The following BMS1 variants were observed in gnomAD, a reference collection of about 807,000 sequenced individuals.
BMS1 encodes ribosome biogenesis protein BMS1 homolog.
BMS1 carries 53 observed loss-of-function variants against 138.7 expected under a neutral mutation model. The ratio of observed to expected loss-of-function variants is 0.38; its 90% CI spans 0.31 to 0.48. The LOEUF is 0.48. Ranked by LOEUF, BMS1 falls within the 20% of genes least tolerant of loss-of-function variation. BMS1 has a pLI of 0.97. For missense variants in BMS1, 1,360 were observed against 1,565.5 expected (o/e 0.87, Z 2.22); for synonymous variants, 504 against 539.9 (o/e 0.93, Z 0.92).
intron 13 of BMS1, among the ~76,000 whole-genome samples, chr10:42,813,512 A>C (rs1842248899): frequency 6.6e-6 from 1 of 152,122 alleles, no homozygotes; most frequent in South Asian, 2.1e-4. Flanking sequence ...CCTGCCTTGC[A>C]TTTATGTCTC....
At position 42,830,234 on chromosome 10, in the gene BMS1, T is replaced by C. The variant is rs201739639; in HGVS notation, c.3457-27T>C. 1.9e-5 allele frequency: 30 copies of C among 1,603,838 alleles called. No homozygotes were observed. The East Asian group carries it at 3.6e-4, about 19-fold the overall frequency. On this transcript the variant is annotated intron_variant, in intron 21 of 22. Coordinates refer to ENST00000374518, the MANE Select transcript of BMS1 (RefSeq NM_014753.4). Reference sequence around the variant, plus strand: ...ATGCACATTGATCATAATTTGAATATGTCACAGTCTTTGTTTTTCTTTTCA... The same window carrying C: ...ATGCACATTGATCATAATTTGAATACGTCACAGTCTTTGTTTTTCTTTTCA...
intron 15 of BMS1, among the ~76,000 whole-genome samples, chr10:42,818,225 G>A (rs1392523769): frequency 2.0e-5 from 3 of 152,216 alleles, no homozygotes; most frequent in Non-Finnish European, 4.4e-5. Flanking sequence ...TTCCTGATTA[G>A]GCATTAGCTT....
intron 15 of BMS1, 122 bp downstream of exon 15, chr10:42,817,616 A>G (rs1342854360): frequency 1.1e-6 from 1 of 949,132 alleles, no homozygotes; most frequent in African/African-American, 1.7e-5. Flanking sequence ...TGTGCCTTTC[A>G]TTCGGACTCC....
At chr10:42,795,976 A>T (rs1192496598) in intron 9 of BMS1, among the ~76,000 whole-genome samples, 1 of 152,276 alleles carries the variant, frequency 6.6e-6, no homozygotes, top group East Asian at 1.9e-4. Flanking sequence ...GCTGGCCCAG[A>T]TTTGGCTGCA....
chr10:42,784,522 A>G lies in BMS1; in HGVS notation c.128A>G (p.Lys43Arg). 1.2e-6 allele frequency: 2 copies of G among 1,613,900 alleles called. No homozygotes were observed. The highest frequency in any genetic ancestry group is 1.7e-6 in the Non-Finnish European group (2 of 1,179,820). ...DEEDARKRNP[K>R]AFAVQSAVRM... is the part of the protein sequence containing the mutation. Reference sequence around the variant, plus strand: ...GAAGATGCCCGGAAGAGAAATCCCAAAGCTTTTGCAGTTCAGTCTGCTGTG... The same window carrying G: ...GAAGATGCCCGGAAGAGAAATCCCAGAGCTTTTGCAGTTCAGTCTGCTGTG... The change falls in exon 2 of 23, where the codon AAA becomes AGA. Residue 43 changes from lysine (K) to arginine (R), a missense_variant. By Grantham distance (26) the Lys-to-Arg change is conservative. Coordinates refer to ENST00000374518, the MANE Select transcript of BMS1 (RefSeq NM_014753.4).
At chr10:42,793,199 AT>A in intron 8 of BMS1, 55 bp downstream of exon 8, 2 of 1,493,380 alleles carry the variant, frequency 1.3e-6, no homozygotes, top group Non-Finnish European at 1.8e-6. Flanking sequence ...TTCTGAATCT[AT>A]TTTTTAATCA....
chr10:42,819,874 C>T (rs1228752928), intron 15 of BMS1, among the ~76,000 whole-genome samples: 3 of 152,154 alleles, frequency 2.0e-5, no homozygotes, highest in Admixed American at 6.5e-5. Context: ...TCACTGCAAC[C>T]TCCGTCTCCC....
At chr10:42,789,072 A>G (rs2419112) in intron 4 of BMS1, among the ~76,000 whole-genome samples, 71,807 of 152,084 alleles carry the variant, frequency 0.47, 17,676 homozygotes, top group East Asian at 0.64. Flanking sequence ...CAGCAAAGGC[A>G]CACACAGTAC....
At chr10:42,794,207 C>T (rs1000442348) in intron 9 of BMS1, among the ~76,000 whole-genome samples, 1 of 152,054 alleles carries the variant, frequency 6.6e-6, no homozygotes, top group Admixed American at 6.5e-5. Flanking sequence ...TTCAACAGAC[C>T]CCAAATATTC....
chr10:42,786,257 T>C (rs1841325575), intron 3 of BMS1, among the ~76,000 whole-genome samples: 1 of 152,202 alleles, frequency 6.6e-6, no homozygotes, highest in Non-Finnish European at 1.5e-5. Flanking sequence ...TTTTCTCTTT[T>C]TCCTGTGAGA....
chr10:42,828,546 TCCA>T (rs56374250), intron 21 of BMS1, among the ~76,000 whole-genome samples: 16,002 of 151,986 alleles, frequency 0.11, 999 homozygotes, highest in African/African-American at 0.17. Flanking sequence ...CGGCTTGGCC[TCCA>T]CCACCAGCAG....
chr10:42,793,278 A>T (rs112370215), intron 8 of BMS1, 134 bp downstream of exon 8: 1 of 815,662 alleles, frequency 1.2e-6, no homozygotes, highest in African/African-American at 1.8e-5. Flanking sequence ...AAAGGCCCAA[A>T]TGCATATTGT....
chr10:42,828,927 G>A (rs2132397036), intron 21 of BMS1, among the ~76,000 whole-genome samples: 2 of 152,110 alleles, frequency 1.3e-5, no homozygotes, highest in Middle Eastern at 3.4e-3. Context: ...CTACTCTTTT[G>A]TAACAAGTAG....
intron 5 of BMS1, among the ~76,000 whole-genome samples, chr10:42,790,881 A>G (rs1841485254): frequency 6.6e-6 from 1 of 152,112 alleles, no homozygotes; most frequent in Non-Finnish European, 1.5e-5. Context: ...AGACATTACT[A>G]AACGTCTCTC....
Position 42,785,583 on chromosome 10 carries a change from T to C in BMS1, c.278T>C (p.Val93Ala). ...GTAGTGGTGATGGGACCTCCAAAAG[T>C]TGGAAAGAGCACTTTGATACAATGC... ...IVVVVMGPPK[V>A]GKSTLIQCLI... The change falls in exon 3 of 23, where the codon GTT becomes GCT. Residue 93 changes from valine (V) to alanine (A), a missense_variant. Physicochemically the swap from Val to Ala is moderately conservative, Grantham distance 64. Coordinates refer to ENST00000374518, the MANE Select transcript of BMS1 (RefSeq NM_014753.4). The C allele has an allele frequency of 6.2e-7, 1 of 1,613,944 alleles. No individual in the cohort carries two copies. Among genetic ancestry groups the C allele is most frequent in the Non-Finnish European group, 8.5e-7 (1 of 1,179,852 alleles).
intron 22 of BMS1, 108 bp downstream of exon 22, chr10:42,830,530 A>C (rs1156527534): frequency 3.5e-6 from 5 of 1,418,808 alleles, no homozygotes; most frequent in Non-Finnish European, 2.8e-6. Context: ...GGGCACTGGA[A>C]CTAAAGTCAG....
chr10:42,812,889 A>G (rs1842230480), intron 13 of BMS1, among the ~76,000 whole-genome samples: 1 of 152,176 alleles, frequency 6.6e-6, no homozygotes, highest in Non-Finnish European at 1.5e-5. Flanking sequence ...TGATAAAAGA[A>G]CTAGCCAGGT....
At chr10:42,819,472 A>G (rs1842440296) in intron 15 of BMS1, among the ~76,000 whole-genome samples, 1 of 152,228 alleles carries the variant, frequency 6.6e-6, no homozygotes, top group Non-Finnish European at 1.5e-5. Flanking sequence ...GCCAGGTCAG[A>G]GCTCTGATAA....
At chr10:42,793,750 T>C in intron 8 of BMS1, 102 bp from the exon 9 acceptor site, 3 of 1,368,508 alleles carry the variant, frequency 2.2e-6, no homozygotes, top group Non-Finnish European at 3.0e-6. Context: ...GAAAGGTTCT[T>C]AGGAAATGTG....
Sources: gnomAD v4.1 joint callset for allele counts (sites outside exome capture counted in the v4.1 genomes callset) on GRCh38, gnomAD v4.1.1 for gene constraint, MANE v1.5 for transcripts, NCBI Gene and HGNC (gene_info 2026-07-23, HGNC 2026-07-21) for gene names.